IHO1: variants seen among roughly 807,000 people sequenced by gnomAD.
The protein encoded by IHO1 is interactor of HORMAD1 protein 1.
Under a neutral mutation model 31.0 loss-of-function variants are expected in IHO1, and 13 were observed. That is an observed-to-expected ratio of 0.42 (90% CI 0.27 to 0.67). IHO1 has a LOEUF of 0.67. IHO1 is among the 30% of genes least tolerant of loss of function. IHO1 has a pLI of 0.24. For synonymous variants in IHO1, 221 were observed against 248.4 expected (o/e 0.89, Z 1.04); for missense variants, 599 against 687.5 (o/e 0.87, Z 1.44).
intron 4 of IHO1, among the ~76,000 whole-genome samples, chr3:49,243,637 A>G (rs969276452): frequency 1.3e-5 from 2 of 150,992 alleles, no homozygotes; most frequent in Admixed American, 6.6e-5. Context: ...GGGAGCCTGT[A>G]GTCCCAGCTA....
At chr3:49,252,483 A>G (rs2046772123) in intron 6 of IHO1, among the ~76,000 whole-genome samples, 1 of 151,936 alleles carries the variant, frequency 6.6e-6, no homozygotes, top group Non-Finnish European at 1.5e-5. Context: ...CAGTGGCACA[A>G]TCACAGCTGA....
intron 6 of IHO1, among the ~76,000 whole-genome samples, chr3:49,250,426 C>G (rs570338858): frequency 9.9e-5 from 15 of 152,252 alleles, no homozygotes; most frequent in South Asian, 6.2e-4. Context: ...ATGTATGGGA[C>G]CTCAGATGGA....
the IHO1 span, among the ~76,000 whole-genome samples, chr3:49,192,655 G>C: frequency 6.6e-6 from 1 of 152,176 alleles, no homozygotes; most frequent in Admixed American, 6.6e-5. Flanking sequence ...CTAGCAGTTT[G>C]GGAGGCCGAG....
At chr3:49,195,894 G>C (rs976518043), upstream of IHO1, among the ~76,000 whole-genome samples, 4 of 150,208 alleles carry the variant, frequency 2.7e-5, no homozygotes, top group African/African-American at 9.8e-5. Flanking sequence ...GAGGTCAGGA[G>C]ATGAGACCAT....
chr3:49,226,943 T>C (rs1346382335), intron 2 of IHO1, among the ~76,000 whole-genome samples: 1 of 151,514 alleles, frequency 6.6e-6, no homozygotes, highest in African/African-American at 2.4e-5. Context: ...AACCTGGGGG[T>C]TTTTGTGGTC....
chr3:49,227,146 T>C (rs1575576190), intron 2 of IHO1, among the ~76,000 whole-genome samples: 1 of 152,188 alleles, frequency 6.6e-6, no homozygotes, highest in Admixed American at 6.5e-5. Context: ...ACATAAGATA[T>C]TTCACTCCAT....
intron 6 of IHO1, among the ~76,000 whole-genome samples, chr3:49,249,267 T>G (rs1263028810): frequency 6.6e-6 from 1 of 151,528 alleles, no homozygotes; most frequent in Non-Finnish European, 1.5e-5. Context: ...GAAGAAAACA[T>G]GGACAACATT....
intron 2 of IHO1, among the ~76,000 whole-genome samples, chr3:49,213,013 G>C (rs2046242434): frequency 6.6e-6 from 1 of 152,212 alleles, no homozygotes; most frequent in Non-Finnish European, 1.5e-5. Flanking sequence ...TTGACAGGGT[G>C]CTGATTGGTG....
chr3:49,228,482 C>T (rs190662553), intron 2 of IHO1: 21 of 328,148 alleles, frequency 6.4e-5, no homozygotes, highest in Middle Eastern at 1.1e-3. Flanking sequence ...GAATAGCAAG[C>T]GAAAGGGGTC....
intron 4 of IHO1, among the ~76,000 whole-genome samples, chr3:49,241,654 C>T (rs2046633491): frequency 1.3e-5 from 2 of 151,722 alleles, no homozygotes; most frequent in Admixed American, 6.6e-5. Context: ...CGGAGTCTTG[C>T]TCTGTCGCCA....
the IHO1 span, chr3:49,191,975 A>G: frequency 1.6e-6 from 1 of 606,736 alleles, no homozygotes; most frequent in South Asian, 2.0e-5. Flanking sequence ...TCTGTGAGAA[A>G]AACCTGCCCC....
chr3:49,236,710 G>A lies in IHO1; in HGVS notation c.219G>A (p.Gln73=). 6.2e-7 allele frequency: 1 copy of A among 1,612,742 alleles called. No homozygotes were observed. The highest frequency in any genetic ancestry group is 8.5e-7 in the Non-Finnish European group (1 of 1,179,618). Residue 73 remains glutamine (Q), a synonymous_variant, in exon 3 of 8, where the codon CAG becomes CAA. Coordinates refer to ENST00000452691, the MANE Select transcript of IHO1 (RefSeq NM_001135197.2). Reference sequence around the variant, plus strand: ...TGAGACATTCAAAACAGTCACAACAGAACTATCTGGAGGTGAGTCTGGTTT... The same window carrying A: ...TGAGACATTCAAAACAGTCACAACAAAACTATCTGGAGGTGAGTCTGGTTT... ...AHLRHSKQSQ[Q]NYLEGEPSIF... is the part of the protein sequence containing the mutation.
At chr3:49,228,171 G>A (rs2046438057) in intron 2 of IHO1, 2 of 277,948 alleles carry the variant, frequency 7.2e-6, no homozygotes, top group Non-Finnish European at 1.5e-5. Context: ...GTCTCCCTTG[G>A]GTGACATGAC....
intron 2 of IHO1, among the ~76,000 whole-genome samples, chr3:49,235,132 G>C (rs1285495079): frequency 6.6e-6 from 1 of 151,968 alleles, no homozygotes; most frequent in Non-Finnish European, 1.5e-5. Context: ...ACAGGCGTGA[G>C]CCACCGTGCC....
At chr3:49,221,577 C>T (rs1023278793) in intron 2 of IHO1, among the ~76,000 whole-genome samples, 7 of 152,200 alleles carry the variant, frequency 4.6e-5, no homozygotes, top group Non-Finnish European at 5.9e-5. Flanking sequence ...ATAGCTACTT[C>T]CTGCTGGTTA....
intron 2 of IHO1, among the ~76,000 whole-genome samples, chr3:49,214,244 GT>G (rs1293892510): frequency 6.6e-6 from 1 of 152,172 alleles, no homozygotes; most frequent in African/African-American, 2.4e-5. Flanking sequence ...TCAGATATAT[GT>G]TCAGTTGTAC....
chr3:49,237,390 G>T (rs34784192), intron 3 of IHO1, among the ~76,000 whole-genome samples: 16,735 of 151,992 alleles, frequency 0.11, 1,018 homozygotes, highest in African/African-American at 0.14. Context: ...CCAATACTTA[G>T]TTTCTAGCCT....
chr3:49,232,228 G>C (rs1335892409), intron 2 of IHO1, among the ~76,000 whole-genome samples: 2 of 152,214 alleles, frequency 1.3e-5, no homozygotes, highest in Non-Finnish European at 2.9e-5. Flanking sequence ...ACAAGCCATA[G>C]TAGAAAGGAT....
In IHO1 at chr3:49,257,091, A is replaced by G; in HGVS notation, c.1594A>G (p.Arg532Gly). 1 of 1,614,190 alleles carries G rather than the reference A, an allele frequency of 6.2e-7. No homozygotes were observed. Among genetic ancestry groups the G allele is most frequent in the South Asian group, 1.1e-5 (1 of 91,084 alleles). The stretch of plus-strand genomic sequence containing the variant: ...TAAGACAGTAAGGGCAGTGCAGGGA[A>G]GACTCTTGCAGCTCAGCAGGTGCTC... ...PNKTVRAVQGRLLQLSRCSSQ... is the reference protein window; with the variant it reads ...PNKTVRAVQGGLLQLSRCSSQ... The change falls in exon 8 of 8, where the codon AGA (arginine) becomes GGA (glycine). Residue 532 changes from arginine (R) to glycine (G), a missense_variant. Coordinates refer to ENST00000452691, the MANE Select transcript of IHO1 (RefSeq NM_001135197.2).
Sources: gnomAD v4.1 joint callset for allele counts (sites outside exome capture counted in the v4.1 genomes callset) on GRCh38, gnomAD v4.1.1 for gene constraint, MANE v1.5 for transcripts, NCBI Gene and HGNC (gene_info 2026-07-23, HGNC 2026-07-21) for gene names.